NR3C2: variants seen among roughly 807,000 people sequenced by gnomAD.
The protein encoded by NR3C2 is nuclear receptor subfamily 3 group C member 2.
In NR3C2, 15 loss-of-function variants were observed where a neutral mutation model predicts 86.4. The ratio of observed to expected loss-of-function variants is 0.17; its 90% CI spans 0.12 to 0.27. The LOEUF is 0.27. NR3C2 is among the 10% of genes least tolerant of loss of function. The pLI, the probability that NR3C2 is intolerant of heterozygous loss-of-function variation, is 1.00. For missense variants in NR3C2, 960 were observed against 1,195.6 expected, an observed-to-expected ratio of 0.80 and a Z score of 2.91; for synonymous variants, 458 against 450.5, an observed-to-expected ratio of 1.02 and a Z score of -0.21.
intron 3 of NR3C2, among the ~76,000 whole-genome samples, chr4:148,229,465 C>T (rs555959001): frequency 3.3e-5 from 5 of 152,252 alleles, no homozygotes; most frequent in African/African-American, 9.6e-5. Flanking sequence ...AAATATTCTG[C>T]ATCAAAATAA....
At chr4:148,368,677 AG>A (rs1746269976) in intron 2 of NR3C2, among the ~76,000 whole-genome samples, 1 of 152,220 alleles carries the variant, frequency 6.6e-6, no homozygotes, top group African/African-American at 2.4e-5. Flanking sequence ...AGGAAGCAGC[AG>A]GAAGATATCT....
At chr4:148,104,161 C>A (rs1428347323) in intron 8 of NR3C2, among the ~76,000 whole-genome samples, 1 of 152,176 alleles carries the variant, frequency 6.6e-6, no homozygotes, top group Non-Finnish European at 1.5e-5. Context: ...CCACCTCTCA[C>A]TGTAAGCCCT....
intron 4 of NR3C2, among the ~76,000 whole-genome samples, chr4:148,172,614 G>A (rs560030307): frequency 2.6e-5 from 4 of 152,188 alleles, no homozygotes; most frequent in East Asian, 1.9e-4. Flanking sequence ...AAACCTTGTC[G>A]TGATTATTAT....
At chr4:148,344,467 AT>A (rs1744897166) in intron 2 of NR3C2, among the ~76,000 whole-genome samples, 1 of 152,178 alleles carries the variant, frequency 6.6e-6, no homozygotes, top group African/African-American at 2.4e-5. Flanking sequence ...AACCTCTGTA[AT>A]TTATAAAATG....
At chr4:148,380,544 C>T (rs1186193640) in intron 2 of NR3C2, among the ~76,000 whole-genome samples, 1 of 152,160 alleles carries the variant, frequency 6.6e-6, no homozygotes, top group Non-Finnish European at 1.5e-5. Flanking sequence ...AGCTGTTGTC[C>T]ATTTTACATT....
At chr4:148,427,951 T>C (rs1560729707) in intron 2 of NR3C2, among the ~76,000 whole-genome samples, 1 of 152,218 alleles carries the variant, frequency 6.6e-6, no homozygotes, top group Non-Finnish European at 1.5e-5. Flanking sequence ...CATGCTGATA[T>C]ACATAAATAT....
At chr4:148,415,959 A>C (rs1381444289) in intron 2 of NR3C2, among the ~76,000 whole-genome samples, 2 of 152,230 alleles carry the variant, frequency 1.3e-5, no homozygotes, top group Non-Finnish European at 2.9e-5. Context: ...AAAAAAATAC[A>C]TGCATTTCTT....
intron 2 of NR3C2, among the ~76,000 whole-genome samples, chr4:148,317,012 C>T (rs781396358): frequency 6.6e-6 from 1 of 152,084 alleles, no homozygotes; most frequent in Non-Finnish European, 1.5e-5. Flanking sequence ...AGGCTGGTCT[C>T]AAACTCCTGG....
intron 6 of NR3C2, among the ~76,000 whole-genome samples, chr4:148,141,454 A>G (rs1733607626): frequency 6.6e-6 from 1 of 151,796 alleles, no homozygotes; most frequent in African/African-American, 2.4e-5. Context: ...TCTCACACAC[A>G]CACACACACA....
chr4:148,176,156 C>T (rs1439170213), intron 4 of NR3C2, among the ~76,000 whole-genome samples: 1 of 152,188 alleles, frequency 6.6e-6, no homozygotes, highest in East Asian at 1.9e-4. Context: ...TTACCCTACT[C>T]TTAGCCTGCC....
rs573458193 is a variant in NR3C2, at chr4:148,235,006, T to C, written c.1897+24972A>G. Among the ~76,000 whole-genome samples, 6 of 152,232 alleles carry C rather than the reference T, an allele frequency of 3.9e-5. No individual in the cohort carries two copies. In the South Asian group the frequency reaches 1.2e-3, roughly 32 times the overall value. On this transcript the variant is annotated intron_variant, in intron 3 of 8. Coordinates refer to ENST00000358102, the MANE Select transcript of NR3C2 (RefSeq NM_000901.5). Reference sequence around the variant, plus strand: ...AAACTATACCTGCTGTTTTATTATGTCATGAAAATATTCAAAAGAGCTTTG... The same window carrying C: ...AAACTATACCTGCTGTTTTATTATGCCATGAAAATATTCAAAAGAGCTTTG...
At chr4:148,117,929 T>G (rs1732344407) in intron 7 of NR3C2, among the ~76,000 whole-genome samples, 1 of 152,216 alleles carries the variant, frequency 6.6e-6, no homozygotes, top group African/African-American at 2.4e-5. Context: ...CTCTCTCCTC[T>G]GAAGTCCATA....
chr4:148,419,189 T>A (rs1749153433), intron 2 of NR3C2, among the ~76,000 whole-genome samples: 2 of 152,064 alleles, frequency 1.3e-5, no homozygotes, highest in Admixed American at 6.6e-5. Flanking sequence ...GCATCACTGG[T>A]GAACAAACAA....
intron 2 of NR3C2, among the ~76,000 whole-genome samples, chr4:148,378,301 T>C (rs1360087011): frequency 6.6e-6 from 1 of 152,024 alleles, no homozygotes; most frequent in Non-Finnish European, 1.5e-5. Context: ...CATACACTTC[T>C]GGTAGGACTG....
chr4:148,360,400 T>C (rs1374167775), intron 2 of NR3C2, among the ~76,000 whole-genome samples: 1 of 152,224 alleles, frequency 6.6e-6, no homozygotes, highest in African/African-American at 2.4e-5. Flanking sequence ...ATCTATACAC[T>C]GTGTAACTGC....
chr4:148,306,750 A>C (rs902990513), intron 2 of NR3C2, among the ~76,000 whole-genome samples: 1 of 152,242 alleles, frequency 6.6e-6, no homozygotes, highest in Non-Finnish European at 1.5e-5. Flanking sequence ...ATGGTTTCCA[A>C]ACACATTCAT....
At chr4:148,432,913 A>G (rs1270086748) in intron 2 of NR3C2, among the ~76,000 whole-genome samples, 1 of 152,200 alleles carries the variant, frequency 6.6e-6, no homozygotes, top group Non-Finnish European at 1.5e-5. Context: ...TCATTAATCT[A>G]TAAGAGATAT....
intron 8 of NR3C2, among the ~76,000 whole-genome samples, chr4:148,103,740 C>G (rs1731648941): frequency 6.6e-6 from 1 of 152,154 alleles, no homozygotes; most frequent in Non-Finnish European, 1.5e-5. Flanking sequence ...GCCCTTAAAC[C>G]ATTAATGTGG....
intron 6 of NR3C2, among the ~76,000 whole-genome samples, chr4:148,144,655 G>A (rs1733780510): frequency 6.6e-6 from 1 of 152,124 alleles, no homozygotes; most frequent in Non-Finnish European, 1.5e-5. Context: ...ATAACTGAAT[G>A]ACCGTTCTTG....
Sources: gnomAD v4.1 joint callset for allele counts (sites outside exome capture counted in the v4.1 genomes callset) on GRCh38, gnomAD v4.1.1 for gene constraint, MANE v1.5 for transcripts, NCBI Gene and HGNC (gene_info 2026-07-23, HGNC 2026-07-21) for gene names.